DRC11: variants seen among roughly 807,000 people sequenced by gnomAD.
DRC11 encodes IQ and AAA domain-containing protein 1.
the DRC11 span, among the ~76,000 whole-genome samples, chr2:236,394,138 C>G: frequency 6.6e-6 from 1 of 152,056 alleles, no homozygotes; most frequent in African/African-American, 2.4e-5. This position sits in a 1 kb window ranked among gnomAD's most constrained non-coding sequence, Gnocchi z 7.0. Context: ...CACTCTGTAC[C>G]CCTCGAGGGG....
the DRC11 span, chr2:236,391,894 A>T: frequency 1.8e-5 from 22 of 1,205,820 alleles, no homozygotes; most frequent in African/African-American, 7.6e-5. This position sits in a 1 kb window ranked among gnomAD's most constrained non-coding sequence, Gnocchi z 4.5. Context: ...GCCCTCCTGG[A>T]CATGCCACAG....
chr2:236,441,232 G>C, the DRC11 span: 1 of 784,726 alleles, frequency 1.3e-6, no homozygotes. Context: ...ATTAAGGGTG[G>C]AGGGTTCCCT....
the DRC11 span, among the ~76,000 whole-genome samples, chr2:236,352,073 C>T: frequency 4.6e-5 from 7 of 152,070 alleles, no homozygotes; most frequent in African/African-American, 1.2e-4. The surrounding 1 kb of genome is among the most constrained non-coding windows in gnomAD (Gnocchi z 7.0). Flanking sequence ...ACAGAGAGCC[C>T]GGGGCCACAC....
At chr2:236,378,628 T>C in the DRC11 span, among the ~76,000 whole-genome samples, 1 of 145,322 alleles carries the variant, frequency 6.9e-6, no homozygotes, top group Non-Finnish European at 1.5e-5. Context: ...TGAGCTGAGA[T>C]GGCGCAAGTT....
At chr2:236,504,979 G>A in the DRC11 span, among the ~76,000 whole-genome samples, 134 of 152,342 alleles carry the variant, frequency 8.8e-4, 1 homozygote, top group African/African-American at 3.1e-3. This position sits in a 1 kb window ranked among gnomAD's most constrained non-coding sequence, Gnocchi z 5.0. Flanking sequence ...GTCTTTATTA[G>A]CAGTGTGAGA....
chr2:236,487,020 G>T, the DRC11 span: 1 of 681,516 alleles, frequency 1.5e-6, no homozygotes, highest in East Asian at 2.7e-5. Flanking sequence ...GCTCTAGGCT[G>T]TCCATGTGTG....
chr2:236,369,210 T>C, the DRC11 span: 1 of 152,270 alleles, frequency 6.6e-6, no homozygotes, highest in African/African-American at 2.4e-5. This position sits in a 1 kb window ranked among gnomAD's most constrained non-coding sequence, Gnocchi z 4.5. Flanking sequence ...TGCACATTTA[T>C]GTGTGTAGGA....
At chr2:236,383,821 C>G in the DRC11 span, among the ~76,000 whole-genome samples, 2 of 151,926 alleles carry the variant, frequency 1.3e-5, no homozygotes, top group South Asian at 2.1e-4. Context: ...CCACTCCCCC[C>G]ACCCCACAAC....
the DRC11 span, among the ~76,000 whole-genome samples, chr2:236,465,081 C>G: frequency 6.6e-6 from 1 of 152,078 alleles, no homozygotes; most frequent in Non-Finnish European, 1.5e-5. The surrounding 1 kb of genome is among the most constrained non-coding windows in gnomAD (Gnocchi z 6.2). Flanking sequence ...TCAAGGAGAC[C>G]TGGTGGCCAG....
At chr2:236,488,149 A>G in the DRC11 span, 1 of 1,607,628 alleles carries the variant, frequency 6.2e-7, no homozygotes, top group South Asian at 1.1e-5. Flanking sequence ...ATCTGGATTA[A>G]TTTAACAGCC....
At chr2:236,465,038 T>C in the DRC11 span, among the ~76,000 whole-genome samples, 3 of 151,984 alleles carry the variant, frequency 2.0e-5, no homozygotes, top group African/African-American at 7.3e-5. This position sits in a 1 kb window ranked among gnomAD's most constrained non-coding sequence, Gnocchi z 6.2. Flanking sequence ...TATTTCTTTA[T>C]AGCAATGCAA....
chr2:236,372,572 G>C, the DRC11 span, among the ~76,000 whole-genome samples: 2 of 152,034 alleles, frequency 1.3e-5, no homozygotes, highest in South Asian at 4.1e-4. This position sits in a 1 kb window ranked among gnomAD's most constrained non-coding sequence, Gnocchi z 4.5. Context: ...AACAGGAAAA[G>C]GCCTAAAAGA....
At chr2:236,445,708 A>C in the DRC11 span, among the ~76,000 whole-genome samples, 1 of 152,230 alleles carries the variant, frequency 6.6e-6, no homozygotes, top group South Asian at 2.1e-4. The surrounding 1 kb of genome is among the most constrained non-coding windows in gnomAD (Gnocchi z 4.8). Context: ...TCATAATCTG[A>C]AATTTAATTA....
At chr2:236,443,691 G>A in the DRC11 span, among the ~76,000 whole-genome samples, 3 of 152,164 alleles carry the variant, frequency 2.0e-5, no homozygotes, top group African/African-American at 7.2e-5. The surrounding 1 kb of genome is among the most constrained non-coding windows in gnomAD (Gnocchi z 4.4). Context: ...TATGCGTGCA[G>A]ATATCTGTAT....
chr2:236,481,994 T>C, the DRC11 span, among the ~76,000 whole-genome samples: 3 of 149,146 alleles, frequency 2.0e-5, no homozygotes, highest in African/African-American at 4.9e-5. Flanking sequence ...ACATATTATA[T>C]GTATAATTCT....
At chr2:236,380,346 A>C in the DRC11 span, among the ~76,000 whole-genome samples, 1 of 152,254 alleles carries the variant, frequency 6.6e-6, no homozygotes, top group Non-Finnish European at 1.5e-5. This position sits in a 1 kb window ranked among gnomAD's most constrained non-coding sequence, Gnocchi z 4.9. Flanking sequence ...AACTTAAAAA[A>C]ATGTTATGAC....
the DRC11 span, among the ~76,000 whole-genome samples, chr2:236,418,959 T>C: frequency 6.6e-6 from 1 of 152,218 alleles, no homozygotes; most frequent in African/African-American, 2.4e-5. Flanking sequence ...TTACAAGTTA[T>C]AGAAAATGTG....
At chr2:236,407,577 T>A in the DRC11 span, among the ~76,000 whole-genome samples, 5 of 152,126 alleles carry the variant, frequency 3.3e-5, no homozygotes, top group Admixed American at 3.3e-4. Flanking sequence ...ACAGAAGATA[T>A]CTATATATAC....
the DRC11 span, among the ~76,000 whole-genome samples, chr2:236,403,767 A>G: frequency 2.0e-5 from 3 of 152,044 alleles, no homozygotes; most frequent in Non-Finnish European, 2.9e-5. Context: ...TTTCCTGAGC[A>G]GCTACTAAGG....
Sources: gnomAD v4.1 joint callset for allele counts (sites outside exome capture counted in the v4.1 genomes callset) on GRCh38, gnomAD v4.1.1 for gene constraint, Gnocchi (gnomAD v3.1) non-coding constraint, MANE v1.5 for transcripts, NCBI Gene and HGNC (gene_info 2026-07-23, HGNC 2026-07-21) for gene names.